The following SORCS1 variants were observed in gnomAD, a reference collection of about 807,000 sequenced individuals.
SORCS1 encodes sortilin related VPS10 domain containing receptor 1, also known as VPS10 domain-containing receptor SorCS1.
A neutral mutation model predicts 146.1 loss-of-function variants in SORCS1; 60 were observed. The ratio of observed to expected loss-of-function variants is 0.41; its 90% CI spans 0.33 to 0.51. The LOEUF (loss-of-function observed/expected upper bound fraction) is 0.51. SORCS1 is among the 20% of genes least tolerant of loss of function. SORCS1 has a pLI of 0.21. For synonymous variants in SORCS1, 637 were observed against 584.0 expected, an observed-to-expected ratio of 1.09 and a Z score of -1.31; for missense variants, 1,352 against 1,487.6, an observed-to-expected ratio of 0.91 and a Z score of 1.50.
chr10:106,928,615 G>A (rs1347435487), intron 2 of SORCS1, among the ~76,000 whole-genome samples: 1 of 152,220 alleles, frequency 6.6e-6, no homozygotes, highest in Non-Finnish European at 1.5e-5. Context: ...AGCGCTGAGA[G>A]CGAGCGAGGG....
chr10:106,601,733 C>T (rs1375113554), intron 23 of SORCS1, among the ~76,000 whole-genome samples: 1 of 152,210 alleles, frequency 6.6e-6, no homozygotes, highest in Non-Finnish European at 1.5e-5. Context: ...CACACAGGGA[C>T]ACTGGCTGGT....
intron 6 of SORCS1, among the ~76,000 whole-genome samples, chr10:106,720,305 A>C (rs1855692298): frequency 6.6e-6 from 1 of 152,072 alleles, no homozygotes; most frequent in East Asian, 1.9e-4. Flanking sequence ...AGTGAAACAG[A>C]CCTGGCTTTA....
chr10:106,897,116 C>T (rs149144100), intron 2 of SORCS1, among the ~76,000 whole-genome samples: 2,706 of 151,990 alleles, frequency 0.018, 78 homozygotes, highest in East Asian at 0.1. Context: ...CTCCTGACCT[C>T]GTGATCCGCC....
chr10:107,003,979 T>C (rs1189520139), intron 1 of SORCS1, among the ~76,000 whole-genome samples: 1 of 151,824 alleles, frequency 6.6e-6, no homozygotes, highest in Non-Finnish European at 1.5e-5. Flanking sequence ...ATCGAGATCA[T>C]CCTGGCTAAC....
intron 1 of SORCS1, among the ~76,000 whole-genome samples, chr10:107,087,358 G>C (rs1267622210): frequency 6.6e-6 from 1 of 151,902 alleles, no homozygotes; most frequent in Admixed American, 6.6e-5. Context: ...CTTTATCCTT[G>C]ATCCATATGT....
At chr10:106,965,827 C>T (rs1955468191) in intron 1 of SORCS1, among the ~76,000 whole-genome samples, 1 of 152,198 alleles carries the variant, frequency 6.6e-6, no homozygotes. Context: ...TGTTACCTGT[C>T]AGACATGGTA....
intron 23 of SORCS1, among the ~76,000 whole-genome samples, chr10:106,599,208 C>A (rs1228805186): frequency 6.6e-6 from 1 of 151,680 alleles, no homozygotes; most frequent in Admixed American, 6.6e-5. Flanking sequence ...TCTACTAAAA[C>A]TACAAAAAAT....
chr10:106,583,589 C>T (rs906161404), intron 24 of SORCS1, among the ~76,000 whole-genome samples: 1 of 152,142 alleles, frequency 6.6e-6, no homozygotes, highest in African/African-American at 2.4e-5. Context: ...TCACTGCAAT[C>T]TTCTCCTGTG....
At chr10:106,903,488 A>G (rs181010868) in intron 2 of SORCS1, among the ~76,000 whole-genome samples, 2 of 152,214 alleles carry the variant, frequency 1.3e-5, no homozygotes, top group East Asian at 3.8e-4. Context: ...TCCTATTGTT[A>G]CTTGGCTCTG....
chr10:106,757,286 T>C (rs2136221945), intron 5 of SORCS1, among the ~76,000 whole-genome samples: 1 of 152,306 alleles, frequency 6.6e-6, no homozygotes, highest in South Asian at 2.1e-4. Context: ...AATTCTATGT[T>C]ATTACCCATG....
At chr10:106,927,023 CCA>C (rs1444090583) in intron 2 of SORCS1, among the ~76,000 whole-genome samples, 1 of 151,972 alleles carries the variant, frequency 6.6e-6, no homozygotes, top group East Asian at 1.9e-4. Context: ...AGAGTTGTCA[CCA>C]CAGTTTTTTG....
chr10:106,980,744 A>G (rs1956217260), intron 1 of SORCS1, among the ~76,000 whole-genome samples: 1 of 152,194 alleles, frequency 6.6e-6, no homozygotes, highest in South Asian at 2.1e-4. Context: ...AGCTGTTTGT[A>G]ATATGCTGAA....
chr10:106,652,733 G>A (rs149979113), intron 17 of SORCS1, among the ~76,000 whole-genome samples, 180 bp from the exon 18 acceptor site: 1 of 152,056 alleles, frequency 6.6e-6, no homozygotes, highest in African/African-American at 2.4e-5. Context: ...GATAATCATG[G>A]TCACACATTG....
intron 8 of SORCS1, among the ~76,000 whole-genome samples, chr10:106,704,525 G>A (rs377539621): frequency 2.6e-5 from 4 of 152,066 alleles, no homozygotes; most frequent in Admixed American, 6.5e-5. Flanking sequence ...GTCTGTCTCC[G>A]CTAAAAATAC....
chr10:106,724,287 T>A (rs1016325317), intron 6 of SORCS1, among the ~76,000 whole-genome samples: 48 of 152,012 alleles, frequency 3.2e-4, no homozygotes, highest in African/African-American at 1.1e-3. Flanking sequence ...GGCGGGCGGA[T>A]CTCAAGGTCA....
At chr10:106,798,017 A>G in intron 3 of SORCS1, among the ~76,000 whole-genome samples, 1 of 152,098 alleles carries the variant, frequency 6.6e-6, no homozygotes, top group East Asian at 1.9e-4. Context: ...TCCCCACCCA[A>G]ATCTCATCTT....
chr10:106,716,139 T>C (rs1369796046), intron 6 of SORCS1, among the ~76,000 whole-genome samples: 2 of 152,296 alleles, frequency 1.3e-5, no homozygotes, highest in East Asian at 3.9e-4. Flanking sequence ...ATTCTCCTTA[T>C]ATAATAATTA....
At chr10:107,022,571 T>C (rs946031425) in intron 1 of SORCS1, among the ~76,000 whole-genome samples, 1 of 152,042 alleles carries the variant, frequency 6.6e-6, no homozygotes, top group Non-Finnish European at 1.5e-5. Flanking sequence ...GTCATTAGCA[T>C]GTCTAACACC....
chr10:107,128,783 T>G (rs1966840722), intron 1 of SORCS1, among the ~76,000 whole-genome samples: 1 of 152,206 alleles, frequency 6.6e-6, no homozygotes, highest in Admixed American at 6.5e-5. Flanking sequence ...TGATGTTGAT[T>G]AACATCAATT....
Sources: allele counts gnomAD v4.1 joint callset (sites outside exome capture counted in the v4.1 genomes callset), GRCh38; gene constraint gnomAD v4.1.1; transcripts MANE v1.5; gene names NCBI Gene and HGNC (gene_info 2026-07-23, HGNC 2026-07-21).